The following SNX30 variants were observed in gnomAD, a reference collection of about 807,000 sequenced individuals.
SNX30 encodes the protein sorting nexin family member 30.
In SNX30, 24 loss-of-function variants were observed where a neutral mutation model predicts 46.4. The ratio of observed to expected loss-of-function variants is 0.52; its 90% CI spans 0.37 to 0.73. SNX30 has a LOEUF of 0.73. Ranked by LOEUF, SNX30 falls within the 30% of genes least tolerant of loss-of-function variation. The pLI is 0.00. For missense variants in SNX30, 533 were observed against 555.7 expected, an observed-to-expected ratio of 0.96 and a Z score of 0.41; for synonymous variants, 189 against 211.5, an observed-to-expected ratio of 0.89 and a Z score of 0.92.
intron 7 of SNX30, among the ~76,000 whole-genome samples, chr9:112,857,425 C>A (rs1445755419): frequency 6.6e-6 from 1 of 152,132 alleles, no homozygotes; most frequent in Non-Finnish European, 1.5e-5. Context: ...CTGGAGGTGA[C>A]CAGCCTGGGG....
chr9:112,808,153 A>G (rs1387156201), intron 2 of SNX30, among the ~76,000 whole-genome samples: 1 of 152,242 alleles, frequency 6.6e-6, no homozygotes, highest in East Asian at 1.9e-4. Flanking sequence ...AAGAGAACAA[A>G]CAAGAGGAAC....
intron 7 of SNX30, chr9:112,856,734 T>C: frequency 6.6e-6 from 1 of 152,226 alleles, no homozygotes; most frequent in Non-Finnish European, 1.5e-5. Flanking sequence ...CAGGGAGACT[T>C]CTACATACAG....
chr9:112,843,356 G>A (rs1163260697), intron 6 of SNX30, among the ~76,000 whole-genome samples: 3 of 152,132 alleles, frequency 2.0e-5, no homozygotes, highest in Non-Finnish European at 4.4e-5. Context: ...CTGGGGTGGG[G>A]TGAGGGTCTG....
Position 112,804,777 on chromosome 9 carries a change from A to G in SNX30, c.158A>G (p.Asp53Gly), listed in dbSNP as rs1358241951. 1.3e-6 allele frequency: 2 copies of G among 1,597,444 alleles called. No individual in the cohort carries two copies. The highest frequency in any genetic ancestry group is 2.2e-5 in the East Asian group (1 of 44,696). ...LLMARSFGDK[D>G]LILPNGGTPA... ...TAAGGTGCTCTTTTCTTCTTTTAGGATCTCATTTTGCCCAACGGTGGTACT... is the reference window on the plus strand; with the variant it reads ...TAAGGTGCTCTTTTCTTCTTTTAGGGTCTCATTTTGCCCAACGGTGGTACT... Residue 53 changes from aspartate (D) to glycine (G), a missense_variant and splice_region_variant, in exon 2 of 9, where the codon GAT becomes GGT. Coordinates refer to ENST00000374232, the MANE Select transcript of SNX30 (RefSeq NM_001012994.2).
At position 112,750,894 on chromosome 9, in the gene SNX30, C is replaced by T. The variant is rs949527815; in HGVS notation, c.-108C>T. Reference sequence around the variant, plus strand: ...GCCCCCAGCACGGCCGGTGCAAGGCCTCGGGTTAAGCGGCGGCCGAGCGGG... The same window carrying T: ...GCCCCCAGCACGGCCGGTGCAAGGCTTCGGGTTAAGCGGCGGCCGAGCGGG... On this transcript the variant is annotated 5_prime_UTR_variant, in exon 1 of 9. Transcript: ENST00000374232. 6 of 1,060,216 alleles carry T rather than the reference C, an allele frequency of 5.7e-6. No homozygotes were observed. The highest frequency in any genetic ancestry group is 6.9e-6 in the Non-Finnish European group (6 of 869,026). The allele number at this position is 1,060,216 out of a possible 1,614,324, so 65.7% of individuals were successfully genotyped here. A position where few individuals can be genotyped will look rare whatever the true frequency, so the allele number is the denominator to read the frequency against.
chr9:112,771,936 CT>C (rs1245301009), intron 1 of SNX30, among the ~76,000 whole-genome samples: 1 of 152,148 alleles, frequency 6.6e-6, no homozygotes, highest in African/African-American at 2.4e-5. Flanking sequence ...ATTTTGTGAA[CT>C]TTTTGTTCTG....
At chr9:112,758,526 C>T (rs753572941) in intron 1 of SNX30, among the ~76,000 whole-genome samples, 19 of 152,122 alleles carry the variant, frequency 1.2e-4, no homozygotes, top group Middle Eastern at 6.8e-3. Flanking sequence ...GATGGGGTTT[C>T]GCCATGTTGG....
chr9:112,821,527 C>A (rs1840495380), intron 3 of SNX30, among the ~76,000 whole-genome samples: 1 of 151,964 alleles, frequency 6.6e-6, no homozygotes, highest in Non-Finnish European at 1.5e-5. Context: ...CGCCCTGTCA[C>A]CCAGGCTGGA....
upstream of SNX30, chr9:112,750,416 T>A (rs1250187088): frequency 6.6e-6 from 1 of 151,162 alleles, no homozygotes; most frequent in East Asian, 1.9e-4. Context: ...GTGCGTGTCC[T>A]CAAAGCCCCC....
intron 1 of SNX30, among the ~76,000 whole-genome samples, chr9:112,786,185 T>C (rs1839922152): frequency 6.6e-6 from 1 of 151,340 alleles, no homozygotes. Context: ...TGGCACCATC[T>C]TGGCTCACCA....
intron 2 of SNX30, among the ~76,000 whole-genome samples, chr9:112,810,850 C>T (rs911347219): frequency 3.9e-5 from 6 of 151,960 alleles, no homozygotes; most frequent in South Asian, 2.1e-4. Flanking sequence ...CTGGATGGCA[C>T]GAGCCTCAGA....
chr9:112,756,395 C>T (rs1316847248), intron 1 of SNX30, among the ~76,000 whole-genome samples: 1 of 150,980 alleles, frequency 6.6e-6, no homozygotes, highest in East Asian at 1.9e-4. Flanking sequence ...TCCAACTCTC[C>T]AAAATTACCA....
In SNX30 at chr9:112,864,605, C is replaced by G. The variant is rs76620525; in HGVS notation, c.1254+206C>G. On this transcript the variant is annotated intron_variant, in intron 8 of 8. Transcript: ENST00000374232. Reference sequence around the variant, plus strand: ...GCAGAGGGGGTGCTCACAGGGGTTTCCCTTGCACATGCTGCTGGGGAAGCA... The same window carrying G: ...GCAGAGGGGGTGCTCACAGGGGTTTGCCTTGCACATGCTGCTGGGGAAGCA... Among the ~76,000 whole-genome samples, 3,521 of 152,292 alleles carry G rather than the reference C, an allele frequency of 0.023. 268 individuals carry two copies. The East Asian group carries it at 0.29, about 13-fold the overall frequency.
At chr9:112,863,844 T>C (rs1181822493) in intron 7 of SNX30, among the ~76,000 whole-genome samples, 1 of 152,208 alleles carries the variant, frequency 6.6e-6, no homozygotes, top group African/African-American at 2.4e-5. Flanking sequence ...AGTTCCAATA[T>C]GGGACACAGG....
At chr9:112,764,903 C>T (rs1891403) in intron 1 of SNX30, among the ~76,000 whole-genome samples, 133,291 of 152,174 alleles carry the variant, frequency 0.88, 58,531 homozygotes, top group Middle Eastern at 0.91. Context: ...ATCATCGACG[C>T]AGGGGGAGTT....
chr9:112,880,791 A>T (rs539555501), intron 5 of SNX30, among the ~76,000 whole-genome samples: 35 of 152,128 alleles, frequency 2.3e-4, no homozygotes, highest in African/African-American at 8.0e-4. Context: ...GTAGACTGAA[A>T]TTTTTTTATC....
At chr9:112,795,167 T>G (rs1216886641) in intron 1 of SNX30, among the ~76,000 whole-genome samples, 1 of 152,116 alleles carries the variant, frequency 6.6e-6, no homozygotes, top group African/African-American at 2.4e-5. Context: ...CAAGCACGTG[T>G]GTGTGTGTCT....
intron 1 of SNX30, among the ~76,000 whole-genome samples, chr9:112,778,446 A>G (rs1839784718): frequency 6.6e-6 from 1 of 151,908 alleles, no homozygotes; most frequent in Non-Finnish European, 1.5e-5. Context: ...ACATTTTTGT[A>G]TTTTTAGTAG....
intron 7 of SNX30, among the ~76,000 whole-genome samples, chr9:112,860,557 G>C (rs1841209427): frequency 6.6e-6 from 1 of 152,144 alleles, no homozygotes; most frequent in African/African-American, 2.4e-5. Context: ...AAATCTGTCA[G>C]TTCTGTCTCC....
Sources: allele counts gnomAD v4.1 joint callset (sites outside exome capture counted in the v4.1 genomes callset), GRCh38; gene constraint gnomAD v4.1.1; transcripts MANE v1.5; gene names NCBI Gene and HGNC (gene_info 2026-07-23, HGNC 2026-07-21).